Variants in TMEM38B observed in about 807,000 individuals in gnomAD.
TMEM38B encodes trimeric intracellular cation channel type B.
TMEM38B carries 24 observed loss-of-function variants against 28.7 expected under a neutral mutation model. The ratio of observed to expected loss-of-function variants is 0.84; its 90% CI spans 0.61 to 1.18. The LOEUF (loss-of-function observed/expected upper bound fraction) is 1.18, where lower values mean the gene tolerates loss of function less well. Ranked by LOEUF, TMEM38B falls within the 50% of genes most tolerant of loss-of-function variation. The pLI, the probability that TMEM38B is intolerant of heterozygous loss-of-function variation, is 0.00. For synonymous variants in TMEM38B, 131 were observed against 127.7 expected (o/e 1.03, Z -0.17); for missense variants, 380 against 350.9 (o/e 1.08, Z -0.66).
intron 5 of TMEM38B, chr9:105,760,084 C>G (rs1227539356): frequency 3.0e-6 from 3 of 992,176 alleles, no homozygotes; most frequent in Non-Finnish European, 4.8e-6. Context: ...ACGAAGTTTG[C>G]TGCAACCTCA....
At chr9:105,772,012 A>T (rs1280459208) in intron 5 of TMEM38B, among the ~76,000 whole-genome samples, 3 of 152,170 alleles carry the variant, frequency 2.0e-5, no homozygotes, top group Non-Finnish European at 4.4e-5. Flanking sequence ...TTAGTTTTAG[A>T]CTTAGTGCTG....
intron 5 of TMEM38B, among the ~76,000 whole-genome samples, chr9:105,761,468 T>C (rs1838046025): frequency 6.6e-6 from 1 of 152,200 alleles, no homozygotes. Flanking sequence ...GATACTTATT[T>C]AGCAACTGCT....
intron 1 of TMEM38B, among the ~76,000 whole-genome samples, chr9:105,697,900 G>A (rs536081908): frequency 3.3e-5 from 5 of 152,016 alleles, no homozygotes; most frequent in Non-Finnish European, 5.9e-5. Context: ...TTCTATAAAA[G>A]TATAGGTTCG....
intron 2 of TMEM38B, among the ~76,000 whole-genome samples, chr9:105,706,861 C>T (rs546006121): frequency 1.3e-5 from 2 of 152,192 alleles, no homozygotes; most frequent in African/African-American, 4.8e-5. Flanking sequence ...ACTGCAACCT[C>T]CACCTCCTGG....
chr9:105,758,739 A>G, intron 5 of TMEM38B: 1 of 733,860 alleles, frequency 1.4e-6, no homozygotes, highest in Non-Finnish European at 2.4e-6. Context: ...TAGTATTTTT[A>G]AATGATGAAA....
chr9:105,734,262 C>T (rs183571535), intron 4 of TMEM38B, among the ~76,000 whole-genome samples: 15 of 152,060 alleles, frequency 9.9e-5, no homozygotes, highest in Admixed American at 2.6e-4. Flanking sequence ...AAAATTCCTC[C>T]TGTTGTTGAT....
chr9:105,770,704 A>G (rs1201559588), intron 5 of TMEM38B, among the ~76,000 whole-genome samples: 3 of 152,180 alleles, frequency 2.0e-5, no homozygotes, highest in Non-Finnish European at 4.4e-5. Context: ...GATTCATTTT[A>G]GGGCCAGGTG....
rs1046907365 is a variant in TMEM38B, at chr9:105,776,287, A to G, written c.*2207A>G. 3.3e-5 allele frequency: 5 copies of G among 152,116 alleles called. No individual in the cohort carries two copies. The highest frequency in any genetic ancestry group is 3.3e-4 in the Admixed American group (5 of 15,250). The allele number at this position is 152,116 out of a possible 1,614,324, so 9.4% of individuals were successfully genotyped here. ...GTAAAACATGGCCAAATGAATATCA[A>G]ACTGGTTTATCAGATTAGTCACTCT... On this transcript the variant is annotated 3_prime_UTR_variant, in exon 6 of 6. Transcript: ENST00000374692.
intron 5 of TMEM38B, among the ~76,000 whole-genome samples, chr9:105,762,460 A>G (rs1295217291): frequency 1.5e-5 from 2 of 135,394 alleles, no homozygotes; most frequent in Admixed American, 1.7e-4. Flanking sequence ...TCCTGTGTCC[A>G]TGTGTTCTCA....
intron 5 of TMEM38B, chr9:105,759,778 A>T: frequency 6.2e-7 from 1 of 1,609,148 alleles, no homozygotes; most frequent in South Asian, 1.1e-5. Flanking sequence ...GAGAACCACT[A>T]CTTTGACTGC....
At chr9:105,771,185 G>A (rs562822782) in intron 5 of TMEM38B, among the ~76,000 whole-genome samples, 9 of 152,036 alleles carry the variant, frequency 5.9e-5, no homozygotes, top group Non-Finnish European at 8.8e-5. Context: ...TTTAATTTAG[G>A]TAATATACTT....
rs1826695507 is a variant in TMEM38B at position 105,775,468 on chromosome 9, A to G, written c.*1388A>G. On this transcript the variant is annotated 3_prime_UTR_variant, in exon 6 of 6. Coordinates refer to ENST00000374692, the MANE Select transcript of TMEM38B (RefSeq NM_018112.3). ...TCGATGGTTTAGAAGTACTCAAGTC[A>G]CATCACATTCAAGTTAGAAGTTTTT... 2 of 152,180 alleles carry G rather than the reference A, an allele frequency of 1.3e-5. No homozygotes were observed. Among genetic ancestry groups the G allele is most frequent in the South Asian group, 4.1e-4 (2 of 4,828 alleles). 9.4% of individuals were successfully genotyped at this position (152,180 alleles called of 1,614,324 possible).
chr9:105,710,533 T>C (rs1241572337), intron 2 of TMEM38B: 24 of 1,092,556 alleles, frequency 2.2e-5, no homozygotes, highest in Non-Finnish European at 1.4e-6. Context: ...CAAACTGTAT[T>C]TCAATCTGCC....
chr9:105,724,621 C>A (rs1292516362), intron 4 of TMEM38B, among the ~76,000 whole-genome samples: 3 of 133,014 alleles, frequency 2.3e-5, no homozygotes, highest in South Asian at 2.3e-4. Context: ...GAGACTCTGT[C>A]TCAAAAAAAA....
At chr9:105,706,722 G>T (rs1835683912) in intron 2 of TMEM38B, among the ~76,000 whole-genome samples, 1 of 152,078 alleles carries the variant, frequency 6.6e-6, no homozygotes, top group Admixed American at 6.6e-5. Context: ...TGCTCTGGAG[G>T]GGGCGGGGGT....
At chr9:105,746,724 T>C (rs1837409810) in intron 4 of TMEM38B, among the ~76,000 whole-genome samples, 1 of 152,216 alleles carries the variant, frequency 6.6e-6, no homozygotes, top group Non-Finnish European at 1.5e-5. Context: ...TTGTCATAAA[T>C]AGCTCTTATT....
chr9:105,766,877 C>G lies in TMEM38B; in HGVS notation c.661-6988C>G, dbSNP rs13293721. 9.7e-3 allele frequency among the ~76,000 whole-genome samples: 1,440 copies of G among 149,126 alleles called. 12 individuals are homozygous for G. Among genetic ancestry groups the G allele is most frequent in the African/African-American group, 0.025 (999 of 40,408 alleles). On this transcript the variant is annotated intron_variant, in intron 5 of 5. Transcript: ENST00000374692. ...TTTACATTAGGTATATCTCTTAGTG[C>G]TATCCCTCCCCCCTCCCCCCACCCC...
intron 2 of TMEM38B, among the ~76,000 whole-genome samples, chr9:105,721,280 A>G (rs1486874934): frequency 6.6e-6 from 1 of 152,182 alleles, no homozygotes; most frequent in Non-Finnish European, 1.5e-5. Context: ...AATATTTCAT[A>G]TATCTATAAA....
chr9:105,695,534 A>G (rs1835258618), intron 1 of TMEM38B, among the ~76,000 whole-genome samples: 1 of 152,206 alleles, frequency 6.6e-6, no homozygotes, highest in African/African-American at 2.4e-5. Context: ...CAGTAGTTGT[A>G]TTTTATTGGA....
Sources: allele counts gnomAD v4.1 joint callset (sites outside exome capture counted in the v4.1 genomes callset), GRCh38; gene constraint gnomAD v4.1.1; transcripts MANE v1.5; gene names NCBI Gene and HGNC (gene_info 2026-07-23, HGNC 2026-07-21).